ABTB3: variants seen among roughly 807,000 people sequenced by gnomAD.
ABTB3 encodes ankyrin repeat and BTB domain containing 3, also known as ankyrin repeat- and BTB/POZ domain-containing protein 3.
At chr12:107,564,872 A>G in the ABTB3 span, among the ~76,000 whole-genome samples, 1 of 152,218 alleles carries the variant, frequency 6.6e-6, no homozygotes, top group African/African-American at 2.4e-5. Context: ...CCCATTGCAC[A>G]GGCCTTGTTT....
At chr12:107,476,006 C>T in the ABTB3 span, among the ~76,000 whole-genome samples, 1 of 152,190 alleles carries the variant, frequency 6.6e-6, no homozygotes, top group Non-Finnish European at 1.5e-5. Flanking sequence ...GGATTAAAGC[C>T]GTGGATCACA....
chr12:107,387,190 C>T, the ABTB3 span, among the ~76,000 whole-genome samples: 1 of 152,178 alleles, frequency 6.6e-6, no homozygotes, highest in Admixed American at 6.5e-5. Flanking sequence ...GTTGCCCAGG[C>T]TGGTCTCGAA....
At chr12:107,619,577 T>TC in the ABTB3 span, among the ~76,000 whole-genome samples, 2 of 151,998 alleles carry the variant, frequency 1.3e-5, no homozygotes, top group Non-Finnish European at 2.9e-5. Context: ...AAGACTCTTC[T>TC]CCCCCCTGAG....
the ABTB3 span, among the ~76,000 whole-genome samples, chr12:107,536,609 T>C: frequency 1.3e-5 from 2 of 152,070 alleles, no homozygotes; most frequent in East Asian, 3.9e-4. Flanking sequence ...GACATACAAG[T>C]AGCCAACAAG....
At chr12:107,533,570 A>G in the ABTB3 span, among the ~76,000 whole-genome samples, 2 of 152,242 alleles carry the variant, frequency 1.3e-5, no homozygotes, top group Non-Finnish European at 2.9e-5. Flanking sequence ...TTTTAGCAAG[A>G]GAATATAACA....
the ABTB3 span, among the ~76,000 whole-genome samples, chr12:107,497,710 C>A: frequency 6.6e-6 from 1 of 152,218 alleles, no homozygotes; most frequent in Non-Finnish European, 1.5e-5. Context: ...GGAGGGACAG[C>A]TTTTCAGTGT....
the ABTB3 span, among the ~76,000 whole-genome samples, chr12:107,497,536 A>G: frequency 6.6e-6 from 1 of 151,934 alleles, no homozygotes; most frequent in Non-Finnish European, 1.5e-5. Flanking sequence ...CCATCATCCC[A>G]CAACCAACAG....
chr12:107,535,950 T>C, the ABTB3 span, among the ~76,000 whole-genome samples: 2 of 151,794 alleles, frequency 1.3e-5, no homozygotes, highest in African/African-American at 4.8e-5. Context: ...GCCAAAACAA[T>C]CCTAAGCAAA....
At chr12:107,450,844 G>A in the ABTB3 span, among the ~76,000 whole-genome samples, 1 of 152,080 alleles carries the variant, frequency 6.6e-6, no homozygotes, top group Non-Finnish European at 1.5e-5. Flanking sequence ...TCCTTTGCGG[G>A]TCTCTCTGGG....
At chr12:107,598,768 C>T in the ABTB3 span, among the ~76,000 whole-genome samples, 162 of 152,334 alleles carry the variant, frequency 1.1e-3, no homozygotes, top group African/African-American at 3.7e-3. Flanking sequence ...ACTAGCCTAA[C>T]ATCCCCATTT....
the ABTB3 span, among the ~76,000 whole-genome samples, chr12:107,648,075 A>G: frequency 6.6e-6 from 1 of 152,084 alleles, no homozygotes; most frequent in East Asian, 1.9e-4. Context: ...GAGTTTGTCA[A>G]ACATACAGGT....
the ABTB3 span, among the ~76,000 whole-genome samples, chr12:107,528,315 A>G: frequency 6.6e-6 from 1 of 152,220 alleles, no homozygotes; most frequent in Non-Finnish European, 1.5e-5. Flanking sequence ...GAGTACTAGG[A>G]CAATATGAGT....
chr12:107,333,138 A>T, the ABTB3 span, among the ~76,000 whole-genome samples: 1 of 152,028 alleles, frequency 6.6e-6, no homozygotes, highest in Admixed American at 6.5e-5. Context: ...TCCTTATGGG[A>T]TGTCCAGTTG....
chr12:107,601,377 A>G, the ABTB3 span, among the ~76,000 whole-genome samples: 460 of 152,342 alleles, frequency 3.0e-3, 1 homozygote, highest in African/African-American at 0.011. Flanking sequence ...CCAAGAGAGG[A>G]TCCATTGAAG....
At chr12:107,430,711 C>T in the ABTB3 span, among the ~76,000 whole-genome samples, 1 of 152,186 alleles carries the variant, frequency 6.6e-6, no homozygotes, top group Non-Finnish European at 1.5e-5. Context: ...TCTAGTGTTT[C>T]ACCAGTAAGT....
At chr12:107,533,534 G>T in the ABTB3 span, among the ~76,000 whole-genome samples, 1 of 152,034 alleles carries the variant, frequency 6.6e-6, no homozygotes, top group Non-Finnish European at 1.5e-5. Flanking sequence ...GACAAAGAAG[G>T]TCATTATATA....
the ABTB3 span, among the ~76,000 whole-genome samples, chr12:107,362,407 A>AG: frequency 6.6e-6 from 1 of 152,226 alleles, no homozygotes; most frequent in Admixed American, 6.5e-5. Context: ...GGAAGACGTA[A>AG]GGGGCTAATG....
At chr12:107,402,870 C>A in the ABTB3 span, among the ~76,000 whole-genome samples, 32 of 152,266 alleles carry the variant, frequency 2.1e-4, no homozygotes, top group African/African-American at 7.5e-4. Context: ...ACCTGTGGAC[C>A]AACTATTTCC....
At chr12:107,618,036 T>C in the ABTB3 span, 5 of 859,672 alleles carry the variant, frequency 5.8e-6, no homozygotes, top group Non-Finnish European at 8.9e-6. Flanking sequence ...GTGCCACCCA[T>C]TGATCTTGTC....
Sources: allele counts gnomAD v4.1 joint callset (sites outside exome capture counted in the v4.1 genomes callset), GRCh38; gene constraint gnomAD v4.1.1; transcripts MANE v1.5; gene names NCBI Gene and HGNC (gene_info 2026-07-23, HGNC 2026-07-21).